Variants in YTHDC2 observed in about 807,000 individuals in gnomAD.
YTHDC2 encodes the protein YTH N6-methyladenosine RNA binding protein C2.
In YTHDC2, 45 loss-of-function variants were observed where a neutral mutation model predicts 174.9. That is an observed-to-expected ratio of 0.26 (90% CI 0.20 to 0.33). The LOEUF is 0.33. Ranked by LOEUF, YTHDC2 falls within the 10% of genes least tolerant of loss-of-function variation. The pLI is 1.00. For missense variants in YTHDC2, 1,650 were observed against 1,723.7 expected, an observed-to-expected ratio of 0.96 and a Z score of 0.76; for synonymous variants, 657 against 574.5, an observed-to-expected ratio of 1.14 and a Z score of -2.05.
chr5:113,515,336 T>G lies in YTHDC2; in HGVS notation c.252T>G (p.Ser84=), dbSNP rs1295680478. The G allele has an allele frequency of 3.7e-5, 59 of 1,612,708 alleles. No homozygotes were observed. The highest frequency in any genetic ancestry group is 5.0e-5 in the Non-Finnish European group (59 of 1,179,748). ...ERAFIHRLSQ[S]LGLVSKSKGK... is the part of the protein sequence containing the mutation. ...CCTTTATTCATCGACTCAGTCAGTC[T>G]CTTGGTTTGGTCTCTAAAAGTAAAG... The change falls in exon 2 of 30, where the codon TCT becomes TCG. Residue 84 remains serine, a synonymous_variant. Coordinates refer to ENST00000161863, the MANE Select transcript of YTHDC2 (RefSeq NM_022828.5).
At chr5:113,520,498 CTT>C (rs565814224) in intron 2 of YTHDC2, among the ~76,000 whole-genome samples, 2 of 143,278 alleles carry the variant, frequency 1.4e-5, no homozygotes, top group Admixed American at 7.0e-5. Flanking sequence ...AAAAGAATCT[CTT>C]TTTTTTTTTT....
In YTHDC2 at chr5:113,532,901, A is replaced by G; in HGVS notation, c.698A>G (p.Asp233Gly). Residue 233 changes from aspartate (D) to glycine (G), a missense_variant, in exon 5 of 30, where the codon GAT (aspartate) becomes GGT (glycine). This residue lies in a region of YTHDC2 where 304 missense variants were observed against 341.4 expected (regional missense o/e 0.89). Coordinates refer to ENST00000161863, the MANE Select transcript of YTHDC2 (RefSeq NM_022828.5). ...TTQIPQFLLD[D>G]CFKNGIPCRI... Reference sequence around the variant, plus strand: ...CAGATTCCTCAGTTCCTTTTAGATGATTGCTTTAAAAATGGTATCCCCTGC... The same window carrying G: ...CAGATTCCTCAGTTCCTTTTAGATGGTTGCTTTAAAAATGGTATCCCCTGC... The G allele has an allele frequency of 6.2e-7, 1 of 1,612,692 alleles. No individual in the cohort carries two copies. Among genetic ancestry groups the G allele is most frequent in the Non-Finnish European group, 8.5e-7 (1 of 1,179,196 alleles).
chr5:113,577,090 C>T (rs1409511410), intron 23 of YTHDC2, among the ~76,000 whole-genome samples: 3 of 152,110 alleles, frequency 2.0e-5, no homozygotes, highest in Non-Finnish European at 2.9e-5. Flanking sequence ...TATATATCCT[C>T]CTTTAGAAAG....
chr5:113,569,903 T>C (rs1488303078), intron 23 of YTHDC2, among the ~76,000 whole-genome samples: 1 of 152,160 alleles, frequency 6.6e-6, no homozygotes, highest in East Asian at 1.9e-4. Flanking sequence ...GGAATAGCAT[T>C]GAATCTGTAA....
At chr5:113,519,122 C>G (rs565166931) in intron 2 of YTHDC2, among the ~76,000 whole-genome samples, 1 of 152,206 alleles carries the variant, frequency 6.6e-6, no homozygotes, top group Non-Finnish European at 1.5e-5. Context: ...ATCCTCCTGC[C>G]TAGGCCGCCC....
At chr5:113,574,703 C>G (rs1361764814) in intron 23 of YTHDC2, among the ~76,000 whole-genome samples, 1 of 152,216 alleles carries the variant, frequency 6.6e-6, no homozygotes, top group Admixed American at 6.5e-5. Flanking sequence ...GTGGATCCCA[C>G]AGAATGATGC....
Position 113,593,915 on chromosome 5 carries a change from A to G in YTHDC2, c.*441A>G, listed in dbSNP as rs944103645. 4.6e-5 allele frequency: 7 copies of G among 152,162 alleles called. No individual in the cohort carries two copies. Among genetic ancestry groups the G allele is most frequent in the Admixed American group, 1.3e-4 (2 of 15,256 alleles). The allele number at this position is 152,162 out of a possible 1,614,324, so 9.4% of individuals were successfully genotyped here. The stretch of plus-strand genomic sequence containing the variant: ...TTAGAAAACAAATACGTCAACACCT[A>G]TGAAAAGAAGCGGGGAAAACAACAA... On this transcript the variant is annotated 3_prime_UTR_variant, in exon 30 of 30. Transcript: ENST00000161863.
chr5:113,514,887 T>C (rs114925657), intron 1 of YTHDC2, among the ~76,000 whole-genome samples: 4,849 of 152,322 alleles, frequency 0.032, 108 homozygotes, highest in East Asian at 0.09. Flanking sequence ...TATCTCATCA[T>C]TGAAGAAAAT....
chr5:113,579,684 C>A lies in YTHDC2; in HGVS notation c.3343C>A (p.Leu1115Met). The change falls in exon 24 of 30, where the codon CTG becomes ATG. Residue 1115 changes from leucine (L) to methionine (M), a missense_variant. Leu to Met is a conservative substitution (Grantham distance 15). Coordinates refer to ENST00000161863, the MANE Select transcript of YTHDC2 (RefSeq NM_022828.5). ...LKLDEWLHFT[L>M]EPEAASLLLQ... ...ACTTGATGAGTGGCTCCATTTCACA[C>A]TGGAGCCAGAGGTAAGTTGCTTTCA... is the stretch of plus-strand genomic sequence containing the variant. The A allele has an allele frequency of 1.9e-6, 3 of 1,605,294 alleles. No homozygotes were observed. The highest frequency in any genetic ancestry group is 2.6e-6 in the Non-Finnish European group (3 of 1,175,514).
chr5:113,570,453 G>A (rs1777644084), intron 23 of YTHDC2, among the ~76,000 whole-genome samples: 1 of 151,990 alleles, frequency 6.6e-6, no homozygotes, highest in African/African-American at 2.4e-5. Context: ...ATTCATTCAT[G>A]ATTTGGCTCT....
chr5:113,563,560 G>A, intron 19 of YTHDC2, 68 bp downstream of exon 19: 3 of 1,468,040 alleles, frequency 2.0e-6, no homozygotes, highest in East Asian at 2.3e-5. Context: ...AAGGAAATAT[G>A]TCTTAACTAA....
intron 3 of YTHDC2, among the ~76,000 whole-genome samples, chr5:113,526,062 A>G (rs781644481): frequency 2.0e-5 from 3 of 152,208 alleles, no homozygotes; most frequent in Admixed American, 6.5e-5. Flanking sequence ...TAATTATTCT[A>G]TTTGATCACT....
chr5:113,518,116 C>T (rs953183613), intron 2 of YTHDC2, among the ~76,000 whole-genome samples: 2 of 151,604 alleles, frequency 1.3e-5, no homozygotes, highest in African/African-American at 4.9e-5. Flanking sequence ...TCTAGATCTC[C>T]TGACCTCGTG....
rs1347880606 is a variant in YTHDC2 at position 113,590,310 on chromosome 5, T to C, written c.3826-731T>C. On this transcript the variant is annotated intron_variant, in intron 26 of 29. Coordinates refer to ENST00000161863, the MANE Select transcript of YTHDC2 (RefSeq NM_022828.5). ...GGCCAGAGCAGTCTTTATTCTGTTA[T>C]TAATTTAGTTCCAATACTAAGGTAT... 2.6e-5 allele frequency among the ~76,000 whole-genome samples: 4 copies of C among 152,352 alleles called. No homozygotes were observed. In the East Asian group the frequency reaches 5.8e-4, roughly 22 times the overall value.
At chr5:113,535,041 AAAG>A (rs1453507579) in intron 6 of YTHDC2, among the ~76,000 whole-genome samples, 1 of 152,234 alleles carries the variant, frequency 6.6e-6, no homozygotes, top group African/African-American at 2.4e-5. Flanking sequence ...TTATGTATTA[AAAG>A]CACATTAAAT....
intron 4 of YTHDC2, among the ~76,000 whole-genome samples, chr5:113,529,729 T>C (rs930007515): frequency 1.3e-5 from 2 of 152,156 alleles, no homozygotes; most frequent in Admixed American, 6.5e-5. Context: ...CTTTATTATA[T>C]ATTATAGATG....
intron 25 of YTHDC2, 139 bp downstream of exon 25, chr5:113,581,848 T>C (rs1778421815): frequency 1.4e-6 from 1 of 710,942 alleles, no homozygotes; most frequent in Non-Finnish European, 2.0e-6. Flanking sequence ...AGCAATAAAG[T>C]GGAAAGAGTT....
intron 12 of YTHDC2, 123 bp downstream of exon 12, chr5:113,549,143 G>A (rs1333219427): frequency 4.0e-6 from 3 of 757,810 alleles, no homozygotes; most frequent in Non-Finnish European, 6.1e-6. Context: ...TTTTTTTTGT[G>A]ATTCTAAGGA....
intron 8 of YTHDC2, 117 bp downstream of exon 8, chr5:113,539,298 T>G (rs1304723182): frequency 2.3e-5 from 10 of 436,750 alleles, no homozygotes; most frequent in Admixed American, 4.8e-5. Flanking sequence ...CTCTTGTATA[T>G]AATTGTATAA....
Sources: allele counts gnomAD v4.1 joint callset (sites outside exome capture counted in the v4.1 genomes callset), GRCh38; gene constraint gnomAD v4.1.1; regional missense constraint gnomAD v4.1.1; transcripts MANE v1.5; gene names NCBI Gene and HGNC (gene_info 2026-07-23, HGNC 2026-07-21).